LYRM4: variants seen among roughly 807,000 people sequenced by gnomAD.
LYRM4 encodes the protein LYR motif containing 4.
A neutral mutation model predicts 11.7 loss-of-function variants in LYRM4; 9 were observed. That is an observed-to-expected ratio of 0.77 (90% CI 0.46 to 1.34). LYRM4 has a LOEUF of 1.34. Ranked by LOEUF, LYRM4 falls within the 40% of genes most tolerant of loss-of-function variation. LYRM4 has a pLI of 0.00. For synonymous variants in LYRM4, 42 were observed against 40.4 expected (o/e 1.04, Z -0.15); for missense variants, 133 against 112.5 (o/e 1.18, Z -0.82).
intron 2 of LYRM4, among the ~76,000 whole-genome samples, chr6:5,202,281 T>C (rs1449299438): frequency 6.6e-6 from 1 of 152,236 alleles, no homozygotes; most frequent in African/African-American, 2.4e-5. Context: ...GTGAGTAAAT[T>C]GCATTGTGTG....
chr6:5,057,764 C>CT, the LYRM4 span, among the ~76,000 whole-genome samples: 124 of 148,384 alleles, frequency 8.4e-4, no homozygotes, highest in Non-Finnish European at 1.4e-3. Context: ...GAAACGCTCA[C>CT]TTTTTTTTTT....
the LYRM4 span, among the ~76,000 whole-genome samples, chr6:5,098,304 C>T: frequency 6.6e-6 from 1 of 152,198 alleles, no homozygotes; most frequent in Non-Finnish European, 1.5e-5. Context: ...TAGGGCAGGC[C>T]CAGCAGGCAC....
At chr6:5,085,491 G>T in the LYRM4 span, 1 of 1,534,952 alleles carries the variant, frequency 6.5e-7, no homozygotes. Flanking sequence ...GCGTCATGGA[G>T]CCCATAGGGG....
At chr6:5,161,095 TAGA>T (rs1758734818) in intron 2 of LYRM4, among the ~76,000 whole-genome samples, 1 of 152,168 alleles carries the variant, frequency 6.6e-6, no homozygotes, top group African/African-American at 2.4e-5. Context: ...TATCTAAAAC[TAGA>T]AGAAGAAATT....
At chr6:5,149,972 C>T (rs574569576) in intron 2 of LYRM4, among the ~76,000 whole-genome samples, 5 of 152,318 alleles carry the variant, frequency 3.3e-5, no homozygotes, top group Non-Finnish European at 5.9e-5. Flanking sequence ...ATAAATGTAA[C>T]AAAGGGCAAA....
chr6:5,124,521 A>G (rs1164149741), intron 2 of LYRM4, among the ~76,000 whole-genome samples: 1 of 152,186 alleles, frequency 6.6e-6, no homozygotes, highest in African/African-American at 2.4e-5. Context: ...GACTGGCCTA[A>G]AGTGTGACTT....
intron 2 of LYRM4, among the ~76,000 whole-genome samples, chr6:5,198,129 C>G (rs926763211): frequency 6.6e-6 from 1 of 152,082 alleles, no homozygotes; most frequent in Non-Finnish European, 1.5e-5. Flanking sequence ...ACCCAGAAGG[C>G]GGAGGTTACA....
At chr6:5,120,892 G>A (rs753998400) in intron 2 of LYRM4, among the ~76,000 whole-genome samples, 1 of 152,106 alleles carries the variant, frequency 6.6e-6, no homozygotes, top group Non-Finnish European at 1.5e-5. Context: ...GTCCCCACTC[G>A]ACCCAGGAAG....
chr6:5,070,330 A>T, the LYRM4 span, among the ~76,000 whole-genome samples: 1 of 152,208 alleles, frequency 6.6e-6, no homozygotes, highest in Non-Finnish European at 1.5e-5. Flanking sequence ...GGCAGTAATG[A>T]TATGAAGTGT....
At chr6:5,037,007 G>GTTTTTTTTTTTT in the LYRM4 span, among the ~76,000 whole-genome samples, 2 of 27,852 alleles carry the variant, frequency 7.2e-5, no homozygotes, top group African/African-American at 3.4e-4. Context: ...TCTTTAGCTT[G>GTTTTTTTTTTTT]TATTTTTTTT....
chr6:5,098,527 C>A, the LYRM4 span, among the ~76,000 whole-genome samples: 1 of 152,230 alleles, frequency 6.6e-6, no homozygotes, highest in Non-Finnish European at 1.5e-5. Context: ...ACCAGAACAA[C>A]CCCATGATCC....
At chr6:5,099,428 T>TCTATCTATCTATCTA (rs1554124398), downstream of LYRM4, among the ~76,000 whole-genome samples, 2 of 151,456 alleles carry the variant, frequency 1.3e-5, no homozygotes, top group Non-Finnish European at 2.9e-5. This position sits in a 1 kb window ranked among gnomAD's most constrained non-coding sequence, Gnocchi z 4.3. Flanking sequence ...TATCTATCTA[T>TCTATCTATCTATCTA]ATTTTATAGC....
At chr6:5,242,766 C>CTTT (rs59883253) in intron 1 of LYRM4, among the ~76,000 whole-genome samples, 4 of 128,096 alleles carry the variant, frequency 3.1e-5, no homozygotes, top group South Asian at 4.8e-4. Flanking sequence ...GATTTCTGCT[C>CTTT]TTTTTTTTTT....
the LYRM4 span, among the ~76,000 whole-genome samples, chr6:5,054,879 C>T: frequency 3.3e-5 from 5 of 152,270 alleles, no homozygotes; most frequent in East Asian, 7.7e-4. Flanking sequence ...GTATTTTATC[C>T]CAAAATATAT....
intron 1 of LYRM4, among the ~76,000 whole-genome samples, chr6:5,220,421 A>C (rs563255698): frequency 1.3e-5 from 2 of 152,282 alleles, no homozygotes; most frequent in South Asian, 4.1e-4. Context: ...TCCTATAAAC[A>C]CATCTGTGCC....
the LYRM4 span, among the ~76,000 whole-genome samples, chr6:5,090,583 G>C: frequency 6.6e-6 from 1 of 152,166 alleles, no homozygotes; most frequent in Non-Finnish European, 1.5e-5. This position sits in a 1 kb window ranked among gnomAD's most constrained non-coding sequence, Gnocchi z 4.8. Context: ...ACAAACCTCA[G>C]CTGTAGGGGC....
intron 2 of LYRM4, among the ~76,000 whole-genome samples, chr6:5,196,785 G>C (rs1012790432): frequency 6.6e-6 from 1 of 152,124 alleles, no homozygotes; most frequent in African/African-American, 2.4e-5. Context: ...GTCTCTTGCT[G>C]TACAGCTCCT....
the LYRM4 span, among the ~76,000 whole-genome samples, chr6:5,047,859 T>C: frequency 1.3e-5 from 2 of 152,336 alleles, no homozygotes; most frequent in African/African-American, 4.8e-5. Context: ...GAAAGAGTTC[T>C]GGGTAGACAG....
At chr6:5,144,746 G>C (rs1242499252) in intron 2 of LYRM4, among the ~76,000 whole-genome samples, 1 of 152,004 alleles carries the variant, frequency 6.6e-6, no homozygotes, top group Non-Finnish European at 1.5e-5. Flanking sequence ...GTTCCTGCCT[G>C]GGAGCAGGAG....
Sources: gnomAD v4.1 joint callset for allele counts (sites outside exome capture counted in the v4.1 genomes callset) on GRCh38, gnomAD v4.1.1 for gene constraint, Gnocchi (gnomAD v3.1) non-coding constraint, MANE v1.5 for transcripts, NCBI Gene and HGNC (gene_info 2026-07-23, HGNC 2026-07-21) for gene names.